Variants in PARP1 observed in about 807,000 individuals in gnomAD.
PARP1 encodes the protein poly(ADP-ribose) polymerase 1.
A neutral mutation model predicts 118.7 loss-of-function variants in PARP1; 44 were observed. The ratio of observed to expected loss-of-function variants is 0.37; its 90% CI spans 0.29 to 0.48. The LOEUF is 0.48. PARP1 is among the 20% of genes least tolerant of loss of function. The probability of loss-of-function intolerance (pLI) is 0.99; values close to 1 mark genes in which losing one functional copy is unlikely to be tolerated. For synonymous variants in PARP1, 492 were observed against 483.2 expected (o/e 1.02, Z -0.24); for missense variants, 1,100 against 1,272.4 (o/e 0.86, Z 2.06).
intron 14 of PARP1, among the ~76,000 whole-genome samples, chr1:226,371,325 C>T (rs945365086): frequency 2.0e-5 from 3 of 152,310 alleles, no homozygotes; most frequent in East Asian, 1.9e-4. Flanking sequence ...CCCTGGGGGC[C>T]GTGACTGCGC....
At chr1:226,374,438 A>G in intron 13 of PARP1, 84 bp from the exon 14 acceptor site, 5 of 1,533,682 alleles carry the variant, frequency 3.3e-6, no homozygotes, top group Non-Finnish European at 4.5e-6. Flanking sequence ...GACTGCAGAC[A>G]AAGGACACAG....
At chr1:226,397,960 C>CA in intron 2 of PARP1, among the ~76,000 whole-genome samples, 1 of 141,632 alleles carries the variant, frequency 7.1e-6, no homozygotes, top group African/African-American at 2.7e-5. Flanking sequence ...CATCCACATG[C>CA]GAAAAAAAAA....
chr1:226,377,002 T>C, intron 13 of PARP1, 106 bp downstream of exon 13: 1 of 962,080 alleles, frequency 1.0e-6, no homozygotes, highest in Non-Finnish European at 1.7e-6. Flanking sequence ...CAACATTTGG[T>C]AGTATGTTTA....
At chr1:226,388,249 C>T (rs953527908) in intron 5 of PARP1, among the ~76,000 whole-genome samples, 1 of 152,176 alleles carries the variant, frequency 6.6e-6, no homozygotes, top group African/African-American at 2.4e-5. Flanking sequence ...TCTCTTCAAG[C>T]CATTTGTCTA....
intron 8 of PARP1, 113 bp downstream of exon 8, chr1:226,382,923 A>G: frequency 8.1e-7 from 1 of 1,229,140 alleles, no homozygotes; most frequent in Non-Finnish European, 1.2e-6. Context: ...TGGTGGGGTC[A>G]GCAAAGAGAG....
chr1:226,367,477 T>C lies in PARP1; in HGVS notation c.2406+3A>G. The C allele has an allele frequency of 6.2e-7, 1 of 1,613,802 alleles. No individual in the cohort carries two copies. The highest frequency in any genetic ancestry group is 1.1e-5 in the South Asian group (1 of 91,062). The stretch of plus-strand genomic sequence containing the variant: ...ATGCTTGAGGAAGGCCTGACCCTGT[T>C]ACCTTAATGTCAGTTTTGAGCTTCT... On this transcript the variant is annotated splice_donor_region_variant and intron_variant, in intron 17 of 22. Coordinates refer to ENST00000366794, the MANE Select transcript of PARP1 (RefSeq NM_001618.4).
chr1:226,379,031 C>G (rs1664548969), intron 12 of PARP1, 111 bp downstream of exon 12: 1 of 1,325,868 alleles, frequency 7.5e-7, no homozygotes, highest in African/African-American at 1.4e-5. Flanking sequence ...GATTAGATTT[C>G]ATTCCCCAGG....
intron 10 of PARP1, 117 bp from the exon 11 acceptor site, chr1:226,379,758 T>C: frequency 7.5e-7 from 1 of 1,324,624 alleles, no homozygotes; most frequent in Non-Finnish European, 1.1e-6. Flanking sequence ...GGCATCTATA[T>C]ACACACTACT....
At chr1:226,394,525 G>T (rs1407412537) in intron 2 of PARP1, among the ~76,000 whole-genome samples, 2 of 152,196 alleles carry the variant, frequency 1.3e-5, no homozygotes, top group Non-Finnish European at 2.9e-5. Flanking sequence ...GCACATCTTA[G>T]AATTAAAGAA....
Position 226,383,020 on chromosome 1 carries a change from G to T in PARP1, c.1159+16C>A. On this transcript the variant is annotated intron_variant, in intron 8 of 22. Coordinates refer to ENST00000366794, the MANE Select transcript of PARP1 (RefSeq NM_001618.4). ...CCTGCAAAGCAGCTCTAAGACCGGG[G>T]TCCCAAATGCTGTACCTGCTGAAGC... is the stretch of plus-strand genomic sequence containing the variant. The T allele has an allele frequency of 6.2e-7, 1 of 1,612,372 alleles. No individual in the cohort carries two copies. Among genetic ancestry groups the T allele is most frequent in the Non-Finnish European group, 8.5e-7 (1 of 1,179,770 alleles).
intron 1 of PARP1, among the ~76,000 whole-genome samples, chr1:226,406,122 G>A (rs1665141626): frequency 6.6e-6 from 1 of 151,922 alleles, no homozygotes; most frequent in Non-Finnish European, 1.5e-5. Flanking sequence ...ATTATATTTT[G>A]AAAAACTTCC....
intron 15 of PARP1, among the ~76,000 whole-genome samples, chr1:226,368,678 T>G (rs1664320760): frequency 6.6e-6 from 1 of 152,172 alleles, no homozygotes; most frequent in Non-Finnish European, 1.5e-5. Flanking sequence ...CTTCAACTTT[T>G]TGTATGTTTG....
chr1:226,386,503 G>A (rs1664721018), intron 5 of PARP1, 61 bp from the exon 6 acceptor site: 2 of 1,074,330 alleles, frequency 1.9e-6, no homozygotes, highest in East Asian at 2.4e-5. Context: ...TCCAACTGGA[G>A]GAGGAGCCCT....
Position 226,366,053 on chromosome 1 carries a change from C to T in PARP1, c.2407-1G>A. ...CTTCTTCAGAATCTCTGTCAACCAC[C>T]TGGATAAACAGAATCTTGGGATTAG... is the stretch of plus-strand genomic sequence containing the variant. On this transcript the variant is annotated splice_acceptor_variant, in intron 17 of 22. Coordinates refer to ENST00000366794, the MANE Select transcript of PARP1 (RefSeq NM_001618.4). LOFTEE classifies it high-confidence loss of function. 6.2e-7 allele frequency: 1 copy of T among 1,604,136 alleles called. No homozygotes were observed. The highest frequency in any genetic ancestry group is 8.5e-7 in the Non-Finnish European group (1 of 1,170,918).
At chr1:226,387,171 C>G (rs532311989) in intron 5 of PARP1, among the ~76,000 whole-genome samples, 3 of 152,134 alleles carry the variant, frequency 2.0e-5, no homozygotes, top group Non-Finnish European at 4.4e-5. Flanking sequence ...TTAATAGAAA[C>G]GGTGTTTCAC....
intron 2 of PARP1, among the ~76,000 whole-genome samples, chr1:226,396,227 T>C (rs1664914208): frequency 6.6e-6 from 1 of 151,988 alleles, no homozygotes; most frequent in Non-Finnish European, 1.5e-5. Flanking sequence ...ACACCTGTAA[T>C]CCCAGCTACT....
At chr1:226,392,037 C>T (rs776206414) in intron 3 of PARP1, among the ~76,000 whole-genome samples, 162 bp downstream of exon 3, 1 of 152,230 alleles carries the variant, frequency 6.6e-6, no homozygotes, top group South Asian at 2.1e-4. Flanking sequence ...GTCTGGAAGT[C>T]ACTGACGTAT....
chr1:226,361,396 T>C lies in PARP1; in HGVS notation c.*64A>G. 9.4e-7 allele frequency: 1 copy of C among 1,062,652 alleles called. No homozygotes were observed. The highest frequency in any genetic ancestry group is 1.6e-5 in the African/African-American group (1 of 64,088). The allele number at this position is 1,062,652 out of a possible 1,614,324, so 65.8% of individuals were successfully genotyped here. The stretch of plus-strand genomic sequence containing the variant: ...GCAACTTAGCGGCCAGGTGAGTTGG[T>C]GCAGAAGCGCTTCGGGTGAATTCAT... On this transcript the variant is annotated 3_prime_UTR_variant, in exon 23 of 23. Coordinates refer to ENST00000366794, the MANE Select transcript of PARP1 (RefSeq NM_001618.4).
In PARP1 at chr1:226,407,935, C is replaced by A. The variant is rs11541662; in HGVS notation, c.-6G>T. ...TTATCCGAAGACTCCGCCATCCTCC[C>A]CTAGCTGCCGCCAAAGCTCCGGAAG... On this transcript the variant is annotated 5_prime_UTR_variant, in exon 1 of 23. Transcript: ENST00000366794. 2 of 1,612,318 alleles carry A rather than the reference C, an allele frequency of 1.2e-6. No individual in the cohort carries two copies. The highest frequency in any genetic ancestry group is 1.7e-6 in the Non-Finnish European group (2 of 1,179,102).
Sources: allele counts gnomAD v4.1 joint callset (sites outside exome capture counted in the v4.1 genomes callset), GRCh38; gene constraint gnomAD v4.1.1; transcripts MANE v1.5; gene names NCBI Gene and HGNC (gene_info 2026-07-23, HGNC 2026-07-21).